The following DYDC2 variants were observed in gnomAD, a reference collection of about 807,000 sequenced individuals.
DYDC2 encodes the protein DPY30 domain-containing protein 2.
DYDC2 carries 19 observed loss-of-function variants against 18.7 expected under a neutral mutation model. The ratio of observed to expected loss-of-function variants is 1.02; its 90% CI spans 0.71 to 1.49. The LOEUF (loss-of-function observed/expected upper bound fraction) is 1.49. DYDC2 is among the 40% of genes most tolerant of loss of function. The pLI, the probability that DYDC2 is intolerant of heterozygous loss-of-function variation, is 0.00. For synonymous variants in DYDC2, 63 were observed against 67.6 expected (o/e 0.93, Z 0.34); for missense variants, 179 against 205.1 (o/e 0.87, Z 0.78).
intron 2 of DYDC2, among the ~76,000 whole-genome samples, chr10:80,360,285 A>G (rs999503624): frequency 1.9e-4 from 29 of 152,202 alleles, no homozygotes; most frequent in Admixed American, 5.9e-4. Flanking sequence ...TCAGCAGGGC[A>G]GGTTCCTCAG....
At chr10:80,364,127 C>T (rs1289328047) in intron 4 of DYDC2, among the ~76,000 whole-genome samples, 2 of 152,210 alleles carry the variant, frequency 1.3e-5, no homozygotes, top group Non-Finnish European at 2.9e-5. Flanking sequence ...TTACAATTCA[C>T]CAGCATTTGT....
At chr10:80,365,846 T>A (rs1843816242) in intron 4 of DYDC2, among the ~76,000 whole-genome samples, 1 of 152,198 alleles carries the variant, frequency 6.6e-6, no homozygotes, top group Non-Finnish European at 1.5e-5. Flanking sequence ...CTTCAGATAT[T>A]GTACTTTTCA....
intron 2 of DYDC2, among the ~76,000 whole-genome samples, chr10:80,361,759 T>C (rs1204966397): frequency 6.6e-6 from 1 of 152,214 alleles, no homozygotes; most frequent in Non-Finnish European, 1.5e-5. Flanking sequence ...ATTTGACTAG[T>C]AGGAGCCCCT....
chr10:80,356,307 C>T, upstream of DYDC2: 5 of 985,638 alleles, frequency 5.1e-6, no homozygotes, highest in Non-Finnish European at 6.0e-6. Flanking sequence ...AAACAGCTGC[C>T]TCCAGCGTGA....
chr10:80,358,415 C>T (rs1459342412), intron 2 of DYDC2, among the ~76,000 whole-genome samples: 3 of 152,156 alleles, frequency 2.0e-5, no homozygotes, highest in African/African-American at 7.2e-5. Context: ...TGACTCCTTC[C>T]CCTCCAGCCC....
intron 4 of DYDC2, among the ~76,000 whole-genome samples, chr10:80,365,702 A>G (rs1356485066): frequency 6.6e-6 from 1 of 152,154 alleles, no homozygotes; most frequent in Non-Finnish European, 1.5e-5. Context: ...ATTGTCTCAT[A>G]GGTCACTGAA....
intron 2 of DYDC2, 54 bp downstream of exon 2, chr10:80,358,099 A>C: frequency 3.1e-6 from 3 of 981,972 alleles, no homozygotes; most frequent in Non-Finnish European, 3.6e-6. Flanking sequence ...CCCCTTGGCC[A>C]GGCGCGGTGG....
intron 1 of DYDC2, among the ~76,000 whole-genome samples, chr10:80,349,225 A>T (rs1262363111): frequency 6.6e-6 from 1 of 152,246 alleles, no homozygotes; most frequent in Non-Finnish European, 1.5e-5. Flanking sequence ...TTTTGATGAT[A>T]GACCACACTA....
upstream of DYDC2, among the ~76,000 whole-genome samples, chr10:80,353,744 A>G (rs569465852): frequency 2.6e-5 from 4 of 151,884 alleles, no homozygotes; most frequent in Admixed American, 6.6e-5. Flanking sequence ...TCATCTTCCC[A>G]CTGGGATGAT....
At chr10:80,352,737 G>GA, upstream of DYDC2, 6 of 1,174,646 alleles carry the variant, frequency 5.1e-6, no homozygotes, top group Non-Finnish European at 6.5e-6. Context: ...CTCCCATTGG[G>GA]GGTGTCACAA....
chr10:80,358,396 G>A (rs115918706), intron 2 of DYDC2, among the ~76,000 whole-genome samples: 165 of 152,154 alleles, frequency 1.1e-3, no homozygotes, highest in African/African-American at 3.8e-3. Flanking sequence ...AAAATAAAAG[G>A]CATCCCCTTG....
chr10:80,357,557 A>G (rs1564670682), intron 1 of DYDC2, among the ~76,000 whole-genome samples: 1 of 152,120 alleles, frequency 6.6e-6, no homozygotes, highest in Non-Finnish European at 1.5e-5. Context: ...GCAAGCTGCT[A>G]ATAGCTTGGC....
intron 4 of DYDC2, among the ~76,000 whole-genome samples, chr10:80,365,554 A>G (rs1843802665): frequency 6.6e-6 from 1 of 152,242 alleles, no homozygotes; most frequent in Non-Finnish European, 1.5e-5. Flanking sequence ...CCATGTGGAC[A>G]AGGATGAACT....
At chr10:80,363,469 C>T (rs1479263881) in intron 4 of DYDC2, among the ~76,000 whole-genome samples, 3 of 150,138 alleles carry the variant, frequency 2.0e-5, no homozygotes, top group Non-Finnish European at 4.4e-5. Context: ...CTCAGCCTCC[C>T]GAGTATCTGG....
At chr10:80,364,426 T>C (rs1421904582) in intron 4 of DYDC2, among the ~76,000 whole-genome samples, 1 of 152,194 alleles carries the variant, frequency 6.6e-6, no homozygotes, top group Admixed American at 6.5e-5. Flanking sequence ...TCTAACACCA[T>C]GCTTTACTGT....
chr10:80,345,360 T>C (rs1012325224), intron 1 of DYDC2, among the ~76,000 whole-genome samples: 10 of 152,210 alleles, frequency 6.6e-5, no homozygotes, highest in African/African-American at 1.4e-4. Context: ...TTGATATATA[T>C]AGTGAATGCT....
At position 80,362,477 on chromosome 10, in the gene DYDC2, A is replaced by G; in HGVS notation, c.34A>G (p.Asn12Asp). Residue 12 changes from asparagine to aspartate, a missense_variant, in exon 3 of 5, where the codon AAT becomes GAT. By Grantham distance (23) the Asn-to-Asp change is conservative. Transcript: ENST00000256039. ...TAACTACCTGAAGAGGTGCTTTGGAAATTGCCTGGCCCAGGCACTGGCAGA... is the reference window on the plus strand; with the variant it reads ...TAACTACCTGAAGAGGTGCTTTGGAGATTGCCTGGCCCAGGCACTGGCAGA... ...ETNYLKRCFG[N>D]CLAQALAEVA... 1 of 1,613,996 alleles carries G rather than the reference A, an allele frequency of 6.2e-7. No homozygotes were observed. The highest frequency in any genetic ancestry group is 1.1e-5 in the South Asian group (1 of 91,058).
upstream of DYDC2, among the ~76,000 whole-genome samples, chr10:80,353,866 A>G (rs1258020107): frequency 2.0e-5 from 3 of 152,112 alleles, no homozygotes; most frequent in Non-Finnish European, 4.4e-5. Flanking sequence ...CTTGGACTTG[A>G]GAGTCCTTCA....
chr10:80,364,666 G>C (rs891508581), intron 4 of DYDC2, among the ~76,000 whole-genome samples: 1 of 152,208 alleles, frequency 6.6e-6, no homozygotes, highest in African/African-American at 2.4e-5. Flanking sequence ...GATGTAGGCA[G>C]TTGTAAGGGA....
Sources: allele counts gnomAD v4.1 joint callset (sites outside exome capture counted in the v4.1 genomes callset), GRCh38; gene constraint gnomAD v4.1.1; transcripts MANE v1.5; gene names NCBI Gene and HGNC (gene_info 2026-07-23, HGNC 2026-07-21).